SIGLEC1: variants seen among roughly 807,000 people sequenced by gnomAD.
The protein encoded by SIGLEC1 is sialic acid binding Ig like lectin 1, also known as sialoadhesin.
SIGLEC1 carries 132 observed loss-of-function variants against 148.0 expected under a neutral mutation model. The observed-to-expected ratio is 0.89, with a 90% CI of 0.77 to 1.03. The LOEUF (loss-of-function observed/expected upper bound fraction) is 1.03, where lower values mean the gene tolerates loss of function less well. Among genes scored for constraint, SIGLEC1 ranks in the 50% least tolerant of loss-of-function variants. The pLI is 0.00. For missense variants in SIGLEC1, 2,253 were observed against 2,271.4 expected, an observed-to-expected ratio of 0.99 and a Z score of 0.16; for synonymous variants, 945 against 969.0, an observed-to-expected ratio of 0.98 and a Z score of 0.46.
At chr20:3,700,478 G>A (rs1031183077) in intron 7 of SIGLEC1, among the ~76,000 whole-genome samples, 1 of 151,702 alleles carries the variant, frequency 6.6e-6, no homozygotes, top group Non-Finnish European at 1.5e-5. Flanking sequence ...CAGCTATTTG[G>A]GAGGCTGAGA....
In SIGLEC1 at chr20:3,694,820, A is replaced by G. The variant is rs1568841414; in HGVS notation, c.2787T>C (p.Arg929=). 6.2e-7 allele frequency: 1 copy of G among 1,613,540 alleles called. No individual in the cohort carries two copies. The highest frequency in any genetic ancestry group is 8.5e-7 in the Non-Finnish European group (1 of 1,179,988). ...HTGVPEGTSY[R]WYRDGQPLQE... is the part of the protein sequence containing the mutation. ...GGAGGGGCTGGCCATCCCGATACCA[A>G]CGATATGAGGTCCCCTCTGGGACTC... Residue 929 remains arginine, a synonymous_variant, in exon 12 of 22, where the codon CGT becomes CGC. Coordinates refer to ENST00000344754, the MANE Select transcript of SIGLEC1 (RefSeq NM_023068.4).
intron 5 of SIGLEC1, 140 bp downstream of exon 5, chr20:3,703,685 G>T: frequency 8.2e-7 from 1 of 1,222,774 alleles, no homozygotes; most frequent in Non-Finnish European, 1.1e-6. Flanking sequence ...GGTAAGGCAG[G>T]GCTGGGACTC....
In SIGLEC1 at chr20:3,692,716, C is replaced by T; in HGVS notation, c.3835G>A (p.Val1279Met). ...TGGGCAGCAGGGTCCGCACAGGTCACTGTGATGGGGGCACCTTCAGGCACG... is the reference window on the plus strand; with the variant it reads ...TGGGCAGCAGGGTCCGCACAGGTCATTGTGATGGGGGCACCTTCAGGCACG... Reference protein sequence around the residue: ...AAVPEGAPITVTCADPAAHAP... With the variant: ...AAVPEGAPITMTCADPAAHAP... The change falls in exon 16 of 22, where the codon GTG becomes ATG. Residue 1279 changes from valine (V) to methionine (M), a missense_variant. Transcript: ENST00000344754. The T allele has an allele frequency of 6.2e-7, 1 of 1,612,684 alleles. No individual in the cohort carries two copies. The highest frequency in any genetic ancestry group is 8.5e-7 in the Non-Finnish European group (1 of 1,179,864).
At chr20:3,699,779 C>T (rs995116870) in intron 7 of SIGLEC1, among the ~76,000 whole-genome samples, 9 of 151,918 alleles carry the variant, frequency 5.9e-5, no homozygotes, top group African/African-American at 2.2e-4. Context: ...GAGTTCCAGA[C>T]CAGCCTAGGC....
rs142297698 is a variant in SIGLEC1, at chr20:3,690,964, G to C, written c.4591+376C>G. Among the ~76,000 whole-genome samples, 315 of 151,826 alleles carry C rather than the reference G, an allele frequency of 2.1e-3. 2 individuals are homozygous for C. Among genetic ancestry groups the C allele is most frequent in the African/African-American group, 6.6e-3 (271 of 41,368 alleles). ...TCCTGCCTCAGCCTCCTGAATAGCT[G>C]GGATTACAGGTGTGTGCCTTCATGC... On this transcript the variant is annotated intron_variant, in intron 18 of 21. Transcript: ENST00000344754.
rs778831160 is a variant in SIGLEC1, at chr20:3,692,565, G to A, written c.3986C>T (p.Ala1329Val). ...AGGACGGGAGCTGCGGGTGCCCTGG[G>A]CATCCTGGGCCTGGCAAGAGTAGGC... ...AGAYSCQAQD[A>V]QGTRSSRPAA... is the part of the protein sequence containing the mutation. The change falls in exon 16 of 22, where the codon GCC becomes GTC. Residue 1329 changes from alanine to valine, a missense_variant. By Grantham distance (64) the Ala-to-Val change is moderately conservative. Transcript: ENST00000344754. 15 of 1,608,928 alleles carry A rather than the reference G, an allele frequency of 9.3e-6. No individual in the cohort carries two copies. The South Asian group carries it at 1.3e-4, about 14-fold the overall frequency.
chr20:3,706,223 C>G, intron 3 of SIGLEC1, 124 bp downstream of exon 3: 1 of 1,419,768 alleles, frequency 7.0e-7, no homozygotes, highest in Non-Finnish European at 9.5e-7. Flanking sequence ...TACGCCGGGG[C>G]TGGAACAGAG....
Position 3,688,486 on chromosome 20 carries a change from C to A in SIGLEC1, c.*74G>T. On this transcript the variant is annotated 3_prime_UTR_variant, in exon 22 of 22. Transcript: ENST00000344754. The stretch of plus-strand genomic sequence containing the variant: ...AGGCGGGCAGGACTCAACACTGCCT[C>A]ATTCACATTCATAGGCTGGAGTCAT... The A allele has an allele frequency of 8.0e-7, 1 of 1,243,998 alleles. No individual in the cohort carries two copies. Among genetic ancestry groups the A allele is most frequent in the Non-Finnish European group, 1.2e-6 (1 of 866,756 alleles). The allele number at this position is 1,243,998 out of a possible 1,614,324, so 77.1% of individuals were successfully genotyped here. A position where few individuals can be genotyped will look rare whatever the true frequency, so the allele number is the denominator to read the frequency against.
chr20:3,706,207 TG>T, intron 3 of SIGLEC1, 139 bp downstream of exon 3: 1 of 1,345,506 alleles, frequency 7.4e-7, no homozygotes, highest in Non-Finnish European at 1.0e-6. Context: ...GAACCAGGCC[TG>T]GGCCTACGCC....
rs377045445 is a variant in SIGLEC1, at chr20:3,699,253, C to T, written c.1735G>A (p.Asp579Asn). The T allele has an allele frequency of 1.2e-5, 19 of 1,610,040 alleles. No homozygotes were observed. The highest frequency in any genetic ancestry group is 1.6e-5 in the Non-Finnish European group (19 of 1,178,926). Residue 579 changes from aspartate (D) to asparagine (N), a missense_variant, in exon 8 of 22, where the codon GAC becomes AAC. Asp to Asn is a conservative substitution (Grantham distance 23). Coordinates refer to ENST00000344754, the MANE Select transcript of SIGLEC1 (RefSeq NM_023068.4). ...GAGGGGCCACTGGCACTGTGGCCGT[C>T]CCGGGCCCGGCAGTGGTATGAGCCG... The part of the protein sequence containing the change: ...DAGSYHCRAR[D>N]GHSASGPSSP...
Position 3,696,953 on chromosome 20 carries a change from G to A in SIGLEC1, c.2381-65C>T. 2.0e-6 allele frequency: 3 copies of A among 1,530,896 alleles called. No homozygotes were observed. In the South Asian group the frequency reaches 3.7e-5, roughly 19 times the overall value. The allele number at this position is 1,530,896 out of a possible 1,614,324, so 94.8% of individuals were successfully genotyped here. ...CACCACATTACAACTGCCACACTAT[G>A]TCCCCCACCTCCTGCCACACACACA... is the stretch of plus-strand genomic sequence containing the variant. On this transcript the variant is annotated intron_variant, in intron 10 of 21. Transcript: ENST00000344754.
Position 3,689,489 on chromosome 20 carries a change from G to A in SIGLEC1, c.4997+111C>T, listed in dbSNP as rs2088733357. The A allele has an allele frequency of 9.6e-6, 7 of 730,104 alleles. No homozygotes were observed. The East Asian group carries it at 1.9e-4, about 20-fold the overall frequency. The allele number at this position is 730,104 out of a possible 1,614,324, so 45.2% of individuals were successfully genotyped here. Reference sequence around the variant, plus strand: ...TTTGGAGGGGCAGTCTGGGAAGTAGGCAGCCTGTGAACTTAATAGGAGGTC... The same window carrying A: ...TTTGGAGGGGCAGTCTGGGAAGTAGACAGCCTGTGAACTTAATAGGAGGTC... On this transcript the variant is annotated intron_variant, in intron 20 of 21. Transcript: ENST00000344754.
chr20:3,709,911 G>C lies in SIGLEC1; in HGVS notation c.-110+2559C>G, dbSNP rs111615721. ...GAGGTAACCAGGGGCTGCAGGGAGG[G>C]GGAGCTAATGTTTAATGATTGCTGA... On this transcript the variant is annotated intron_variant, in intron 1 of 21. Coordinates refer to ENST00000344754, the MANE Select transcript of SIGLEC1 (RefSeq NM_023068.4). Among the ~76,000 whole-genome samples the C allele has an allele frequency of 3.8e-3, 584 of 152,298 alleles. 3 individuals carry two copies. Among genetic ancestry groups the C allele is most frequent in the African/African-American group, 0.013 (536 of 41,556 alleles).
intron 7 of SIGLEC1, among the ~76,000 whole-genome samples, chr20:3,700,640 G>C (rs548660400): frequency 6.6e-6 from 1 of 151,888 alleles, no homozygotes; most frequent in Non-Finnish European, 1.5e-5. Flanking sequence ...CTCAGGAGGA[G>C]GGAAGGACAG....
chr20:3,689,032 A>C lies in SIGLEC1; in HGVS notation c.5070+123T>G, dbSNP rs1234468266. 4.7e-6 allele frequency: 4 copies of C among 853,520 alleles called. No individual in the cohort carries two copies. In the East Asian group the frequency reaches 7.2e-5, roughly 15 times the overall value. 52.9% of individuals were successfully genotyped at this position (853,520 alleles called of 1,614,324 possible). A position where few individuals can be genotyped will look rare whatever the true frequency, so the allele number is the denominator to read the frequency against. On this transcript the variant is annotated intron_variant, in intron 21 of 21. Coordinates refer to ENST00000344754, the MANE Select transcript of SIGLEC1 (RefSeq NM_023068.4). ...TCCTGAGGGGCTCCTGGTTCCCTGC[A>C]CACTCTCCCCAACCTCCCCTTGGTC...
chr20:3,691,583 C>T lies in SIGLEC1; in HGVS notation c.4348G>A (p.Glu1450Lys). ...LQVEGARVVAEPGLDVPEGAA... is the reference protein window; with the variant it reads ...LQVEGARVVAKPGLDVPEGAA... ...CCCTCAGGCACGTCCAGGCCAGGCT[C>T]TGCCACCACGCGTGCACCTGCGGGC... Residue 1450 changes from glutamate (E) to lysine (K), a missense_variant, in exon 18 of 22, where the codon GAG (glutamate) becomes AAG (lysine). Coordinates refer to ENST00000344754, the MANE Select transcript of SIGLEC1 (RefSeq NM_023068.4). The T allele has an allele frequency of 6.2e-7, 1 of 1,612,500 alleles. No homozygotes were observed. The highest frequency in any genetic ancestry group is 8.5e-7 in the Non-Finnish European group (1 of 1,179,748).
Position 3,694,211 on chromosome 20 carries a change from A to T in SIGLEC1, c.3256+10T>A. ...CACACACACACACACACACACACACACACACTGACCTTGAGCGTCGAAGTC... is the reference window on the plus strand; with the variant it reads ...CACACACACACACACACACACACACTCACACTGACCTTGAGCGTCGAAGTC... On this transcript the variant is annotated intron_variant, in intron 13 of 21. Transcript: ENST00000344754. The T allele has an allele frequency of 6.3e-7, 1 of 1,595,168 alleles. No individual in the cohort carries two copies.
At position 3,693,454 on chromosome 20, in the gene SIGLEC1, G is replaced by T. The variant is rs140431296; in HGVS notation, c.3501C>A (p.Asp1167Glu). The change falls in exon 14 of 22, where the codon GAC becomes GAA. Residue 1167 changes from aspartate (D) to glutamate (E), a missense_variant. By Grantham distance (45) the Asp-to-Glu change is conservative. Coordinates refer to ENST00000344754, the MANE Select transcript of SIGLEC1 (RefSeq NM_023068.4). The part of the protein sequence containing the change: ...APRLSRPITL[D>E]VLYAPRNLRL... ...GCATCCAGCCAGACTCACAGAGGAC[G>T]TCCAAGGTGATAGGTCTGGAGAGGC... 6.3e-7 allele frequency: 1 copy of T among 1,579,494 alleles called. No homozygotes were observed. The highest frequency in any genetic ancestry group is 8.6e-7 in the Non-Finnish European group (1 of 1,159,952).
rs772395235 is a variant in SIGLEC1, at chr20:3,694,751, C to G, written c.2856G>C (p.Leu952Phe). ...GGCAATGATAGGCCCCAGCTTGTGT[C>G]AAAGTTATGGCTGCAAAGCGGAGCG... Reference protein sequence around the residue: ...SATLRFAAITLTQAGAYHCQA... With the variant: ...SATLRFAAITFTQAGAYHCQA... Residue 952 changes from leucine to phenylalanine, a missense_variant, in exon 12 of 22, where the codon TTG becomes TTC. Transcript: ENST00000344754. The G allele has an allele frequency of 1.9e-6, 3 of 1,613,734 alleles. No individual in the cohort carries two copies.
Sources: gnomAD v4.1 joint callset for allele counts (sites outside exome capture counted in the v4.1 genomes callset) on GRCh38, gnomAD v4.1.1 for gene constraint, MANE v1.5 for transcripts, NCBI Gene and HGNC (gene_info 2026-07-23, HGNC 2026-07-21) for gene names.